STOX2: variants seen among roughly 807,000 people sequenced by gnomAD.
STOX2 encodes storkhead box 2, also known as storkhead-box protein 2.
In STOX2, 28 loss-of-function variants were observed where a neutral mutation model predicts 60.9. The ratio of observed to expected loss-of-function variants is 0.46; its 90% confidence interval spans 0.34 to 0.63. The LOEUF (loss-of-function observed/expected upper bound fraction) is 0.63. STOX2 is among the 30% of genes least tolerant of loss of function. The pLI is 0.01. For synonymous variants in STOX2, 472 were observed against 463.9 expected, an observed-to-expected ratio of 1.02 and a Z score of -0.22; for missense variants, 1,024 against 1,187.7, an observed-to-expected ratio of 0.86 and a Z score of 2.03.
intron 1 of STOX2, among the ~76,000 whole-genome samples, chr4:183,951,170 G>T (rs544628945): frequency 6.7e-6 from 1 of 149,650 alleles, no homozygotes; most frequent in Non-Finnish European, 1.5e-5. Context: ...AGCCGAGATC[G>T]CGCCACTGCA....
rs113534649 is a variant in STOX2, at chr4:183,806,317, A to G, written c.364+8262A>G. 6.6e-6 allele frequency among the ~76,000 whole-genome samples: 1 copy of G among 152,306 alleles called. No homozygotes were observed. The highest frequency in any genetic ancestry group is 1.5e-5 in the Non-Finnish European group (1 of 68,034). ...ACTCCCCAATAACGTACGTTTGGGA[A>G]GCACATGATGTCCCTTAGTCTAGCT... On this transcript the variant is annotated intron_variant, in intron 1 of 2. Coordinates refer to the STOX2 transcript ENST00000513034. The surrounding 1 kb of genome is among the most constrained non-coding windows in gnomAD (Gnocchi z 4.1).
intron 1 of STOX2, among the ~76,000 whole-genome samples, chr4:183,942,116 C>A (rs1205028526): frequency 6.6e-6 from 1 of 152,126 alleles, no homozygotes; most frequent in Non-Finnish European, 1.5e-5. Flanking sequence ...TTGGCTCAAT[C>A]AATGTAATTT....
At chr4:183,892,491 A>G (rs995448398) in intron 1 of STOX2, among the ~76,000 whole-genome samples, 2 of 152,228 alleles carry the variant, frequency 1.3e-5, no homozygotes, top group South Asian at 2.1e-4. Context: ...CGTATTAGCC[A>G]GGATGGTCTC....
chr4:183,891,199 G>C (rs1388562159), intron 1 of STOX2, among the ~76,000 whole-genome samples: 1 of 151,588 alleles, frequency 6.6e-6, no homozygotes, highest in Non-Finnish European at 1.5e-5. Context: ...TGTGCTCACA[G>C]TTTGCAATTG....
In STOX2 at chr4:184,009,154, T is replaced by TTTTTAGGTGTTCCAA; in HGVS notation, c.320-4_320-3insTTTTAGGTGTTCCAA. On this transcript the variant is annotated splice_region_variant and splice_polypyrimidine_tract_variant and intron_variant, in intron 2 of 3. Coordinates refer to ENST00000308497, the MANE Select transcript of STOX2 (RefSeq NM_020225.3). The surrounding 1 kb of genome is among the most constrained non-coding windows in gnomAD (Gnocchi z 4.0). Reference sequence around the variant, plus strand: ...ACAAGTGGTTTTTTTTTTTTTTTTTTCAGGTGTTCCAACGCCAAGCCAAGA... The same window carrying TTTTTAGGTGTTCCAA: ...ACAAGTGGTTTTTTTTTTTTTTTTTTTTTTAGGTGTTCCAACAGGTGTTCCAACGCCAAGCCAAGA... The TTTTTAGGTGTTCCAA allele has an allele frequency of 1.4e-6, 2 of 1,470,562 alleles. No homozygotes were observed. The highest frequency in any genetic ancestry group is 1.8e-6 in the Non-Finnish European group (2 of 1,104,704). The allele number at this position is 1,470,562 out of a possible 1,614,324, so 91.1% of individuals were successfully genotyped here.
intron 1 of STOX2, among the ~76,000 whole-genome samples, chr4:183,965,878 G>A (rs2111168020): frequency 6.6e-6 from 1 of 152,262 alleles, no homozygotes; most frequent in East Asian, 1.9e-4. Flanking sequence ...AGAAGGGACA[G>A]CAGGTGTCTG....
intron 1 of STOX2, among the ~76,000 whole-genome samples, chr4:183,882,370 G>GA (rs1740978228): frequency 6.6e-6 from 1 of 152,238 alleles, no homozygotes; most frequent in East Asian, 1.9e-4. Context: ...AATTATAAAA[G>GA]AAAAAACAGG....
intron 1 of STOX2, among the ~76,000 whole-genome samples, chr4:183,880,203 C>T (rs1187410278): frequency 6.6e-6 from 1 of 152,020 alleles, no homozygotes; most frequent in African/African-American, 2.4e-5. Context: ...AGGCTGGTCT[C>T]GAACTCCTGA....
In STOX2 at chr4:183,992,367, A is replaced by G. The variant is rs73010229; in HGVS notation, c.167-8958A>G. ...GAAATAGCTCTGGTGATTCCAACTT[A>G]AAAAGAGGGAAAGTGAATGTGTGAC... On this transcript the variant is annotated intron_variant, in intron 1 of 3. Transcript: ENST00000308497. Among the ~76,000 whole-genome samples, 557 of 152,364 alleles carry G rather than the reference A, an allele frequency of 3.7e-3. 3 individuals are homozygous for G. The highest frequency in any genetic ancestry group is 0.013 in the African/African-American group (540 of 41,582).
chr4:183,895,670 T>A (rs1741324399), intron 1 of STOX2, among the ~76,000 whole-genome samples: 1 of 152,224 alleles, frequency 6.6e-6, no homozygotes, highest in African/African-American at 2.4e-5. Flanking sequence ...TGTTGCTATT[T>A]TATTGTTTTA....
In STOX2 at chr4:184,010,058, C is replaced by T. The variant is rs1243733678; in HGVS notation, c.1220C>T (p.Pro407Leu). ...TTTTGTGATCCTCTTACCAGGGTGC[C>T]CAGGGAGGGCTGCTTCATCATTGAA... ...YDFCDPLTRV[P>L]REGCFIIEHK... Residue 407 changes from proline to leucine, a missense_variant, in exon 3 of 4, where the codon CCC becomes CTC. Around this residue, in one of 3 missense-constraint regions of STOX2, gnomAD observed 922 missense variants for 1,058.3 expected, o/e 0.87. Coordinates refer to ENST00000308497, the MANE Select transcript of STOX2 (RefSeq NM_020225.3). This position sits in a 1 kb window ranked among gnomAD's most constrained non-coding sequence, Gnocchi z 4.5. 1.2e-6 allele frequency: 2 copies of T among 1,613,452 alleles called. No individual in the cohort carries two copies. The highest frequency in any genetic ancestry group is 2.2e-5 in the South Asian group (2 of 90,880).
In STOX2 at chr4:184,019,307, A is replaced by G. The variant is rs1734490083; in HGVS notation, c.*2023A>G. 1 of 152,238 alleles carries G rather than the reference A, an allele frequency of 6.6e-6. No individual in the cohort carries two copies. Among genetic ancestry groups the G allele is most frequent in the Non-Finnish European group, 1.5e-5 (1 of 68,038 alleles). 9.4% of individuals were successfully genotyped at this position (152,238 alleles called of 1,614,324 possible). A position where few individuals can be genotyped will look rare whatever the true frequency, so the allele number is the denominator to read the frequency against. ...ACGCATTGTTTGTCTCATTGCTTAA[A>G]TATGTCCAGAAGGAATGATCATGTA... On this transcript the variant is annotated 3_prime_UTR_variant, in exon 4 of 4. Transcript: ENST00000308497.
chr4:183,861,019 A>G (rs1740428652), intron 1 of STOX2, among the ~76,000 whole-genome samples: 1 of 152,224 alleles, frequency 6.6e-6, no homozygotes, highest in Non-Finnish European at 1.5e-5. Context: ...GGAGAAACAA[A>G]TCCTTTTCAG....
intron 1 of STOX2, among the ~76,000 whole-genome samples, chr4:183,935,806 C>T (rs1742574002): frequency 6.6e-6 from 1 of 152,156 alleles, no homozygotes. Context: ...TCTCTGCTCC[C>T]CTCTTCTCAT....
intron 1 of STOX2, among the ~76,000 whole-genome samples, chr4:183,850,482 A>C (rs1239284771): frequency 1.4e-4 from 22 of 151,898 alleles, no homozygotes. Context: ...TAATCCCAGC[A>C]CTTTGGGAGG....
In STOX2 at chr4:183,870,708, C is replaced by T. The variant is rs1579355899; in HGVS notation, c.364+72653C>T. ...TGGGTGATTTTCATAGCTGCTTTGT[C>T]TTTATATGGTCTTTCAAAGACATAG... On this transcript the variant is annotated intron_variant, in intron 1 of 2. Coordinates refer to the STOX2 transcript ENST00000513034. Among the ~76,000 whole-genome samples the T allele has an allele frequency of 2.0e-5, 3 of 152,248 alleles. No individual in the cohort carries two copies. In the South Asian group the frequency reaches 6.2e-4, roughly 32 times the overall value.
At chr4:183,968,654 C>G (rs1743650534) in intron 1 of STOX2, among the ~76,000 whole-genome samples, 1 of 152,128 alleles carries the variant, frequency 6.6e-6, no homozygotes, top group East Asian at 1.9e-4. Flanking sequence ...AAAGACCAAC[C>G]CTTTTTCCGG....
chr4:183,819,138 G>C (rs554416952), intron 1 of STOX2, among the ~76,000 whole-genome samples: 5 of 152,136 alleles, frequency 3.3e-5, no homozygotes, highest in Non-Finnish European at 5.9e-5. Flanking sequence ...CTTCCCAGAG[G>C]GGGTGGCAGC....
chr4:184,014,639 T>C (rs6836748), intron 3 of STOX2: 151,448 of 152,256 alleles, frequency 0.99, 75,327 homozygotes, highest in Middle Eastern at 1. Flanking sequence ...GCTAACATTC[T>C]ATCTCCTTTA....
Sources: gnomAD v4.1 joint callset for allele counts (sites outside exome capture counted in the v4.1 genomes callset) on GRCh38, gnomAD v4.1.1 for gene constraint, gnomAD v4.1.1 regional missense constraint, Gnocchi (gnomAD v3.1) non-coding constraint, MANE v1.5 for transcripts, NCBI Gene and HGNC (gene_info 2026-07-23, HGNC 2026-07-21) for gene names.